Variants in WDFY3 observed in about 807,000 individuals in gnomAD.
WDFY3 encodes the protein WD repeat and FYVE domain-containing protein 3.
A neutral mutation model predicts 409.6 loss-of-function variants in WDFY3; 66 were observed. The observed-to-expected ratio is 0.16, with a 90% CI of 0.13 to 0.20. WDFY3 has a LOEUF of 0.20. WDFY3 is among the 10% of genes least tolerant of loss of function. WDFY3 has a pLI of 1.00. For synonymous variants in WDFY3, 1,521 were observed against 1,537.1 expected (o/e 0.99, Z 0.25); for missense variants, 3,031 against 4,298.1 (o/e 0.71, Z 8.24).
At chr4:84,857,696 T>G (rs1401932779) in intron 4 of WDFY3, among the ~76,000 whole-genome samples, 1 of 152,194 alleles carries the variant, frequency 6.6e-6, no homozygotes, top group African/African-American at 2.4e-5. Flanking sequence ...ATTTTAAACC[T>G]TTCCCCACCT....
intron 49 of WDFY3, 24 bp from the exon 50 acceptor site, chr4:84,715,407 AT>A: frequency 7.7e-7 from 1 of 1,304,186 alleles, no homozygotes; most frequent in Non-Finnish European, 1.1e-6. Context: ...AGAGAAAAAC[AT>A]TAAGAAAAAA....
chr4:84,734,846 T>G (rs1055303498), intron 43 of WDFY3, among the ~76,000 whole-genome samples, 197 bp downstream of exon 43: 1 of 152,188 alleles, frequency 6.6e-6, no homozygotes, highest in Admixed American at 6.5e-5. Flanking sequence ...ATGCAGTTTG[T>G]TGACAGAAGA....
chr4:84,787,377 G>A (rs540862954), intron 23 of WDFY3, 105 bp downstream of exon 23: 17 of 1,094,742 alleles, frequency 1.6e-5, no homozygotes, highest in Admixed American at 5.0e-5. Flanking sequence ...AGGAGAAGGC[G>A]CTTTTCCTAG....
chr4:84,785,807 A>G (rs1747450035), intron 24 of WDFY3, among the ~76,000 whole-genome samples, 172 bp downstream of exon 24: 1 of 152,234 alleles, frequency 6.6e-6, no homozygotes, highest in Non-Finnish European at 1.5e-5. Flanking sequence ...ATTAAGTTAC[A>G]TATCTACATG....
At chr4:84,935,809 A>G (rs1017904585) in intron 1 of WDFY3, among the ~76,000 whole-genome samples, 5 of 152,196 alleles carry the variant, frequency 3.3e-5, no homozygotes, top group Non-Finnish European at 7.3e-5. Flanking sequence ...TAGATTTACA[A>G]TCTTTCATTT....
intron 32 of WDFY3, among the ~76,000 whole-genome samples, chr4:84,765,327 A>G (rs140435390): frequency 6.6e-6 from 1 of 152,326 alleles, no homozygotes; most frequent in African/African-American, 2.4e-5. Context: ...GCAATATAAC[A>G]TAAATGTTAA....
intron 3 of WDFY3, among the ~76,000 whole-genome samples, chr4:84,877,139 G>A (rs989589931): frequency 1.3e-5 from 2 of 152,052 alleles, no homozygotes; most frequent in African/African-American, 2.4e-5. Flanking sequence ...TTATTATCTA[G>A]CCCCTGCATA....
At chr4:84,895,961 T>A (rs1471658554) in intron 3 of WDFY3, among the ~76,000 whole-genome samples, 14 of 151,652 alleles carry the variant, frequency 9.2e-5, no homozygotes, top group Non-Finnish European at 2.1e-4. Flanking sequence ...CATGGCGAAA[T>A]AAAAGGATGA....
At position 84,817,393 on chromosome 4, in the gene WDFY3, C is replaced by G. The variant is rs1476619353; in HGVS notation, c.1886G>C (p.Arg629Thr). ...GGGAAACACATTTATCAAACTTACCCTTAAAATATCAGTCTTCAACTGCAA... is the reference window on the plus strand; with the variant it reads ...GGGAAACACATTTATCAAACTTACCGTTAAAATATCAGTCTTCAACTGCAA... ...TELQLKTDIL[R>T]ALLSVLRESH... is the part of the protein sequence containing the mutation. The change falls in exon 13 of 68, where the codon AGG becomes ACG. Residue 629 changes from arginine (R) to threonine (T), a missense_variant and splice_region_variant. Arg to Thr is a moderately conservative substitution (Grantham distance 71). Around this residue, in one of 16 missense-constraint regions of WDFY3, gnomAD observed 1,322 missense variants for 1,697.9 expected, o/e 0.78. Coordinates refer to ENST00000295888, the MANE Select transcript of WDFY3 (RefSeq NM_014991.6). 1 of 1,613,210 alleles carries G rather than the reference C, an allele frequency of 6.2e-7. No individual in the cohort carries two copies.
intron 61 of WDFY3, 80 bp downstream of exon 61, chr4:84,690,426 G>A: frequency 6.3e-7 from 1 of 1,598,210 alleles, no homozygotes; most frequent in South Asian, 1.1e-5. Flanking sequence ...TCAGAATTAA[G>A]GAAGCTTTTT....
chr4:84,685,075 C>T (rs549367277), intron 62 of WDFY3, among the ~76,000 whole-genome samples: 22 of 152,326 alleles, frequency 1.4e-4, no homozygotes, highest in African/African-American at 3.6e-4. Context: ...TATACCATAC[C>T]GTGCTGCCTC....
At chr4:84,756,285 G>A (rs2149326829) in intron 33 of WDFY3, among the ~76,000 whole-genome samples, 1 of 152,096 alleles carries the variant, frequency 6.6e-6, no homozygotes, top group East Asian at 1.9e-4. Flanking sequence ...TAATTCTGCA[G>A]AAATCAATCA....
chr4:84,680,600 A>G (rs1727190201), intron 64 of WDFY3, among the ~76,000 whole-genome samples: 1 of 152,250 alleles, frequency 6.6e-6, no homozygotes, highest in African/African-American at 2.4e-5. Context: ...AGAAACAAGT[A>G]TACCTGGCCC....
intron 15 of WDFY3, among the ~76,000 whole-genome samples, chr4:84,804,356 G>A (rs17009290): frequency 0.037 from 5,629 of 152,234 alleles, 311 homozygotes; most frequent in African/African-American, 0.13. Flanking sequence ...TGCAGTTTTA[G>A]CTCTCTGGGA....
chr4:84,791,946 G>T lies in WDFY3; in HGVS notation c.3488-2039C>A, dbSNP rs1704015669. Among the ~76,000 whole-genome samples the T allele has an allele frequency of 2.0e-5, 3 of 151,856 alleles. No individual in the cohort carries two copies. In the South Asian group the frequency reaches 6.2e-4, roughly 32 times the overall value. On this transcript the variant is annotated intron_variant, in intron 21 of 67. Coordinates refer to ENST00000295888, the MANE Select transcript of WDFY3 (RefSeq NM_014991.6). ...ACAAAAATTAATTTACCTTTTATCA[G>T]TACTTAACAAATGGCAAGACAGCGG...
intron 3 of WDFY3, among the ~76,000 whole-genome samples, chr4:84,865,234 CA>C (rs1761217835): frequency 6.6e-6 from 1 of 152,112 alleles, no homozygotes; most frequent in South Asian, 2.1e-4. Flanking sequence ...CACATTATGA[CA>C]AATACTATCT....
intron 1 of WDFY3, among the ~76,000 whole-genome samples, chr4:84,954,266 A>T (rs962324660): frequency 1.3e-5 from 2 of 152,228 alleles, no homozygotes; most frequent in African/African-American, 4.8e-5. Flanking sequence ...CCTACTCATT[A>T]CACAAATAAA....
intron 3 of WDFY3, among the ~76,000 whole-genome samples, chr4:84,863,287 G>C (rs1465053283): frequency 6.6e-6 from 1 of 152,124 alleles, no homozygotes; most frequent in Non-Finnish European, 1.5e-5. Context: ...TTAATTTCTT[G>C]AAGAATCTCT....
intron 67 of WDFY3, among the ~76,000 whole-genome samples, chr4:84,676,028 A>C (rs912371759): frequency 6.6e-6 from 1 of 152,254 alleles, no homozygotes; most frequent in African/African-American, 2.4e-5. Flanking sequence ...GGACAGAGAA[A>C]GAATTCTTAA....
Sources: gnomAD v4.1 joint callset for allele counts (sites outside exome capture counted in the v4.1 genomes callset) on GRCh38, gnomAD v4.1.1 for gene constraint, gnomAD v4.1.1 regional missense constraint, MANE v1.5 for transcripts, NCBI Gene and HGNC (gene_info 2026-07-23, HGNC 2026-07-21) for gene names.